Variants in FSTL5 observed in about 807,000 individuals in gnomAD.
FSTL5 encodes follistatin like 5.
Under a neutral mutation model 89.1 loss-of-function variants are expected in FSTL5, and 62 were observed. The ratio of observed to expected loss-of-function variants is 0.70; its 90% CI spans 0.57 to 0.86. The LOEUF (loss-of-function observed/expected upper bound fraction) is 0.86, where lower values mean the gene tolerates loss of function less well. Ranked by LOEUF, FSTL5 falls within the 40% of genes least tolerant of loss-of-function variation. The probability of loss-of-function intolerance (pLI) is 0.00; values close to 1 mark genes in which losing one functional copy is unlikely to be tolerated. For synonymous variants in FSTL5, 383 were observed against 346.2 expected (o/e 1.11, Z -1.18); for missense variants, 1,057 against 1,001.6 (o/e 1.06, Z -0.75).
intron 4 of FSTL5, among the ~76,000 whole-genome samples, chr4:161,901,795 C>T (rs1157619268): frequency 1.3e-5 from 2 of 152,066 alleles, no homozygotes; most frequent in East Asian, 3.9e-4. Context: ...ATTAGCCGGG[C>T]GTGGTGGGGT....
At chr4:162,066,899 G>A (rs1374792698) in intron 2 of FSTL5, among the ~76,000 whole-genome samples, 1 of 152,004 alleles carries the variant, frequency 6.6e-6, no homozygotes, top group Admixed American at 6.6e-5. Flanking sequence ...ACATACATGT[G>A]CATGTGTCTT....
intron 5 of FSTL5, among the ~76,000 whole-genome samples, chr4:161,772,068 T>G (rs1023842813): frequency 1.3e-5 from 2 of 152,134 alleles, no homozygotes; most frequent in African/African-American, 4.8e-5. Context: ...CACTGATTTT[T>G]TTATGTCTTT....
At chr4:161,969,589 T>G (rs1337379843) in intron 3 of FSTL5, among the ~76,000 whole-genome samples, 2 of 152,090 alleles carry the variant, frequency 1.3e-5, no homozygotes, top group Non-Finnish European at 2.9e-5. Flanking sequence ...TGATACAAAA[T>G]ATATCTCAAA....
rs1241483127 is a variant in FSTL5 at position 161,922,313 on chromosome 4, AC to A, written c.161-1662del. The stretch of plus-strand genomic sequence containing the variant: ...ATGTTATTTTAAATATTGATAACTC[AC>A]TGAAATATTTTAATACCTGAGTGAT... On this transcript the variant is annotated intron_variant, in intron 3 of 15. Coordinates refer to ENST00000306100, the MANE Select transcript of FSTL5 (RefSeq NM_020116.5). 5.3e-5 allele frequency among the ~76,000 whole-genome samples: 8 copies of A among 152,148 alleles called. No individual in the cohort carries two copies. The East Asian group carries it at 1.5e-3, about 29-fold the overall frequency.
At chr4:161,578,137 C>T (rs1409476804) in intron 8 of FSTL5, among the ~76,000 whole-genome samples, 2 of 151,402 alleles carry the variant, frequency 1.3e-5, no homozygotes, top group African/African-American at 4.9e-5. Flanking sequence ...AAAATGTCAG[C>T]GAATAGGAAG....
intron 9 of FSTL5, among the ~76,000 whole-genome samples, chr4:161,540,063 T>C (rs1731766650): frequency 6.6e-6 from 1 of 152,142 alleles, no homozygotes; most frequent in African/African-American, 2.4e-5. Context: ...CTTCTCTTCC[T>C]ATGTAATCTA....
At chr4:161,490,488 C>T (rs1166218490) in intron 12 of FSTL5, among the ~76,000 whole-genome samples, 2 of 152,116 alleles carry the variant, frequency 1.3e-5, no homozygotes, top group Non-Finnish European at 2.9e-5. Context: ...GATTTTGTGA[C>T]TGCTGGATTA....
intron 3 of FSTL5, among the ~76,000 whole-genome samples, chr4:162,020,586 G>A (rs1294749470): frequency 6.6e-6 from 1 of 152,026 alleles, no homozygotes; most frequent in Non-Finnish European, 1.5e-5. Context: ...TGGAGTCTTA[G>A]ACTAATTAGG....
chr4:162,115,602 T>C (rs187939039), intron 1 of FSTL5, among the ~76,000 whole-genome samples: 7,871 of 149,330 alleles, frequency 0.053, 394 homozygotes, highest in East Asian at 0.27. Context: ...CCTTGTAACC[T>C]CCATCTTCAC....
intron 11 of FSTL5, among the ~76,000 whole-genome samples, chr4:161,504,114 A>G (rs1450611795): frequency 1.3e-5 from 2 of 151,950 alleles, no homozygotes; most frequent in African/African-American, 4.8e-5. Context: ...TATTTGTTTG[A>G]AAACTTAGCT....
At chr4:161,628,371 C>T (rs944143950) in intron 7 of FSTL5, among the ~76,000 whole-genome samples, 4 of 151,894 alleles carry the variant, frequency 2.6e-5, no homozygotes, top group Non-Finnish European at 5.9e-5. Flanking sequence ...TCAGTGGGGT[C>T]CTGATTAGTC....
At chr4:161,594,858 C>T (rs116223361) in intron 7 of FSTL5, among the ~76,000 whole-genome samples, 3,813 of 151,830 alleles carry the variant, frequency 0.025, 50 homozygotes, top group South Asian at 0.036. Flanking sequence ...ATGTCGAGTG[C>T]TATGCCGAAC....
intron 3 of FSTL5, among the ~76,000 whole-genome samples, chr4:161,977,639 A>ATAATAAT (rs1373859019): frequency 2.4e-4 from 24 of 101,214 alleles, no homozygotes; most frequent in East Asian, 1.0e-3. Context: ...AAAAAAAAAA[A>ATAATAAT]AATAATAATA....
chr4:161,870,373 A>AAG (rs1256511141), intron 4 of FSTL5, among the ~76,000 whole-genome samples: 8 of 150,978 alleles, frequency 5.3e-5, no homozygotes, highest in South Asian at 4.3e-4. Context: ...CACACACACA[A>AAG]AGAGAGAGCG....
At chr4:161,530,623 A>G (rs1312780763) in intron 10 of FSTL5, among the ~76,000 whole-genome samples, 1 of 152,030 alleles carries the variant, frequency 6.6e-6, no homozygotes, top group East Asian at 1.9e-4. Context: ...TAATTTAAAA[A>G]TGGTGTATCT....
At chr4:162,078,174 G>A (rs1041048507) in intron 2 of FSTL5, among the ~76,000 whole-genome samples, 5 of 151,804 alleles carry the variant, frequency 3.3e-5, no homozygotes. Context: ...CAGTAATCTG[G>A]ATGCGGATAT....
At chr4:161,901,808 G>A (rs1477970126) in intron 4 of FSTL5, among the ~76,000 whole-genome samples, 4 of 151,984 alleles carry the variant, frequency 2.6e-5, no homozygotes, top group Non-Finnish European at 4.4e-5. Flanking sequence ...GGTGGGGTGC[G>A]CCTGTAGTCC....
chr4:162,066,326 C>CT (rs1437900813), intron 2 of FSTL5, among the ~76,000 whole-genome samples: 1 of 106,378 alleles, frequency 9.4e-6, no homozygotes, highest in African/African-American at 3.5e-5. Flanking sequence ...TCTTCTTCTT[C>CT]TTCTTCTTCT....
chr4:161,482,422 G>A lies in FSTL5; in HGVS notation c.1459-1253C>T, dbSNP rs142860332. 5.1e-3 allele frequency among the ~76,000 whole-genome samples: 768 copies of A among 152,074 alleles called. 4 individuals carry two copies. Among genetic ancestry groups the A allele is most frequent in the African/African-American group, 0.016 (684 of 41,498 alleles). On this transcript the variant is annotated intron_variant, in intron 12 of 15. Transcript: ENST00000306100. The stretch of plus-strand genomic sequence containing the variant: ...GATTTTTTGTCTGACAATTAACAAC[G>A]TCTAATTTCATTTATTTGTATACTC...
Sources: gnomAD v4.1 joint callset for allele counts (sites outside exome capture counted in the v4.1 genomes callset) on GRCh38, gnomAD v4.1.1 for gene constraint, MANE v1.5 for transcripts, NCBI Gene and HGNC (gene_info 2026-07-23, HGNC 2026-07-21) for gene names.